The following MSRA variants were observed in gnomAD, a reference collection of about 807,000 sequenced individuals.
The protein encoded by MSRA is mitochondrial peptide methionine sulfoxide reductase.
Under a neutral mutation model 31.3 loss-of-function variants are expected in MSRA, and 54 were observed. The observed-to-expected ratio is 1.73, with a 90% CI of 1.39 to 2.17. MSRA has a LOEUF of 2.17. Ranked by LOEUF, MSRA falls within the 30% of genes most tolerant of loss-of-function variation. The pLI, the probability that MSRA is intolerant of heterozygous loss-of-function variation, is 0.00. For missense variants in MSRA, 507 were observed against 300.9 expected, an observed-to-expected ratio of 1.69 and a Z score of -5.07; for synonymous variants, 169 against 116.5, an observed-to-expected ratio of 1.45 and a Z score of -2.90.
intron 3 of MSRA, among the ~76,000 whole-genome samples, chr8:10,248,255 G>C (rs1023105692): frequency 1.3e-5 from 2 of 152,118 alleles, no homozygotes; most frequent in Admixed American, 6.5e-5. Flanking sequence ...CTTTTATTTT[G>C]TCAAGAAAAG....
At chr8:10,259,390 T>G (rs151255935) in intron 3 of MSRA, among the ~76,000 whole-genome samples, 57 of 152,256 alleles carry the variant, frequency 3.7e-4, no homozygotes, top group African/African-American at 1.3e-3. Flanking sequence ...GAAGAGTTAA[T>G]TCACAGGTTG....
intron 1 of MSRA, among the ~76,000 whole-genome samples, chr8:10,198,996 A>AAGCTAGTCTCTCTTTT (rs1808244488): frequency 6.6e-6 from 1 of 152,238 alleles, no homozygotes; most frequent in Admixed American, 6.5e-5. Flanking sequence ...GCACGAATCA[A>AAGCTAGTCTCTCTTTT]AGCTAGTCTC....
chr8:10,245,057 T>G, intron 2 of MSRA, 47 bp from the exon 3 acceptor site: 3 of 1,595,114 alleles, frequency 1.9e-6, no homozygotes, highest in Non-Finnish European at 2.6e-6. Flanking sequence ...ATGACCACTT[T>G]GTTTTGAATA....
chr8:10,118,730 C>G lies in MSRA; in HGVS notation c.142+64072C>G, dbSNP rs948861393. Among the ~76,000 whole-genome samples the G allele has an allele frequency of 2.0e-5, 3 of 152,288 alleles. 1 individual carries two copies. The highest frequency in any genetic ancestry group is 3.4e-3 in the Middle Eastern group (1 of 294). Reference sequence around the variant, plus strand: ...GGACGCCTGGCCTCATCTTCAACAGCTGGTGGACTTCTACACGTCCCTCAA... The same window carrying G: ...GGACGCCTGGCCTCATCTTCAACAGGTGGTGGACTTCTACACGTCCCTCAA... On this transcript the variant is annotated intron_variant, in intron 1 of 5. Transcript: ENST00000317173.
intron 1 of MSRA, among the ~76,000 whole-genome samples, chr8:10,090,086 C>A (rs1431490086): frequency 1.3e-5 from 2 of 152,168 alleles, no homozygotes; most frequent in African/African-American, 4.8e-5. Context: ...GCTGTGTGTG[C>A]CTGCTGGGAT....
intron 5 of MSRA, among the ~76,000 whole-genome samples, chr8:10,346,048 TA>T (rs1001826730): frequency 5.3e-5 from 8 of 151,764 alleles, no homozygotes; most frequent in Non-Finnish European, 8.8e-5. Context: ...GTATTGTGTT[TA>T]TGTGTACATG....
chr8:10,072,982 A>C (rs1372711502), intron 1 of MSRA, among the ~76,000 whole-genome samples: 1 of 152,198 alleles, frequency 6.6e-6, no homozygotes, highest in Non-Finnish European at 1.5e-5. Context: ...TCACTTTAGT[A>C]GAAGTTTTCT....
chr8:10,412,786 T>G (rs868040303), intron 5 of MSRA, among the ~76,000 whole-genome samples: 2 of 152,152 alleles, frequency 1.3e-5, no homozygotes, highest in South Asian at 4.1e-4. Context: ...CTACAGCAGT[T>G]AGAATGAGCA....
intron 5 of MSRA, among the ~76,000 whole-genome samples, chr8:10,354,821 A>C (rs1259021473): frequency 3.3e-5 from 5 of 150,270 alleles, no homozygotes; most frequent in African/African-American, 1.2e-4. Flanking sequence ...ATCACTATGT[A>C]GTCTCATTGA....
chr8:10,259,241 T>G (rs1332966209), intron 3 of MSRA, among the ~76,000 whole-genome samples: 8 of 152,228 alleles, frequency 5.3e-5, no homozygotes, highest in African/African-American at 1.9e-4. Context: ...GAGGGAATTT[T>G]AAACTCTAGC....
intron 5 of MSRA, among the ~76,000 whole-genome samples, chr8:10,424,984 C>G (rs948818440): frequency 1.3e-5 from 2 of 152,236 alleles, no homozygotes; most frequent in South Asian, 4.1e-4. Flanking sequence ...GGAGGGAGAC[C>G]TCGCAGAATG....
chr8:10,107,632 C>G (rs368276963), intron 1 of MSRA, among the ~76,000 whole-genome samples: 2 of 152,108 alleles, frequency 1.3e-5, no homozygotes, highest in Non-Finnish European at 2.9e-5. Context: ...CAAAAGAAAA[C>G]CACAAAAACC....
chr8:10,298,433 C>T (rs950549138), intron 3 of MSRA, among the ~76,000 whole-genome samples: 1 of 151,900 alleles, frequency 6.6e-6, no homozygotes, highest in Admixed American at 6.5e-5. Context: ...TCCACAGAGA[C>T]AAGAAAGTGG....
Position 10,245,180 on chromosome 8 carries a change from A to C in MSRA, c.288A>C (p.Ala96=), listed in dbSNP as rs1797557872. 2 of 1,613,724 alleles carry C rather than the reference A, an allele frequency of 1.2e-6. No individual in the cohort carries two copies. The highest frequency in any genetic ancestry group is 1.3e-5 in the African/African-American group (1 of 74,894). ...TGTATTCAACTCAAGTTGGTTTTGC[A>C]GGAGGCTATACTTCAAATCCTACTT... ...KGVYSTQVGF[A]GGYTSNPTYK... The change falls in exon 3 of 6, where the codon GCA becomes GCC. Residue 96 remains alanine, a synonymous_variant. Coordinates refer to ENST00000317173, the MANE Select transcript of MSRA (RefSeq NM_012331.5).
At chr8:10,066,111 C>G (rs1158695038) in intron 1 of MSRA, among the ~76,000 whole-genome samples, 5 of 152,094 alleles carry the variant, frequency 3.3e-5, no homozygotes, top group Non-Finnish European at 5.9e-5. Context: ...CACCCTCCGT[C>G]TCCCGGATTC....
intron 5 of MSRA, among the ~76,000 whole-genome samples, chr8:10,363,738 C>CCGCACACACACACA (rs1804991535): frequency 1.9e-5 from 2 of 103,288 alleles, no homozygotes; most frequent in African/African-American, 6.7e-5. Context: ...GATGCAGTCA[C>CCGCACACACACACA]CACACACACA....
intron 1 of MSRA, among the ~76,000 whole-genome samples, chr8:10,060,419 G>C (rs976254388): frequency 6.6e-6 from 1 of 152,182 alleles, no homozygotes; most frequent in Non-Finnish European, 1.5e-5. Context: ...AATATGTATA[G>C]AGAAACTTTG....
At chr8:10,056,563 T>C (rs1006254794) in intron 1 of MSRA, among the ~76,000 whole-genome samples, 1 of 147,140 alleles carries the variant, frequency 6.8e-6, no homozygotes, top group Non-Finnish European at 1.5e-5. Flanking sequence ...AAGCCTACAA[T>C]GCATATGTCC....
chr8:10,283,828 TATATATATACACAC>T (rs1387473981), intron 3 of MSRA, among the ~76,000 whole-genome samples: 15 of 68,560 alleles, frequency 2.2e-4, no homozygotes, highest in African/African-American at 3.2e-4. Context: ...TATATATATA[TATATATATACACAC>T]ACACACACAC....
Sources: allele counts gnomAD v4.1 joint callset (sites outside exome capture counted in the v4.1 genomes callset), GRCh38; gene constraint gnomAD v4.1.1; transcripts MANE v1.5; gene names NCBI Gene and HGNC (gene_info 2026-07-23, HGNC 2026-07-21).